PRH1: variants seen among roughly 807,000 people sequenced by gnomAD.
PRH1 encodes salivary acidic proline-rich phosphoprotein 1/2.
PRH1 carries 7 observed loss-of-function variants against 7.9 expected under a neutral mutation model. That is an observed-to-expected ratio of 0.89 (90% CI 0.50 to 1.67). The LOEUF (loss-of-function observed/expected upper bound fraction) is 1.67, where lower values mean the gene tolerates loss of function less well. Ranked by LOEUF, PRH1 falls within the 40% of genes most tolerant of loss-of-function variation. The pLI is 0.00. For synonymous variants in PRH1, 45 were observed against 80.8 expected, an observed-to-expected ratio of 0.56 and a Z score of 2.38; for missense variants, 109 against 223.6, an observed-to-expected ratio of 0.49 and a Z score of 3.27.
intron 2 of PRH1, among the ~76,000 whole-genome samples, chr12:10,972,519 A>G (rs866379710): frequency 1.3e-5 from 2 of 152,194 alleles, no homozygotes; most frequent in Admixed American, 1.3e-4. Flanking sequence ...AATTTGAATA[A>G]AATTTTTCAT....
At chr12:11,000,265 A>G (rs1166772784) in intron 1 of PRH1, among the ~76,000 whole-genome samples, 3 of 152,148 alleles carry the variant, frequency 2.0e-5, no homozygotes, top group African/African-American at 7.2e-5. Flanking sequence ...AATTATGCAC[A>G]TATTTATCAT....
At position 11,142,071 on chromosome 12, in the gene PRH1, C is replaced by T. The variant is rs1311281076; in HGVS notation, n.40-20891G>A. 2.0e-5 allele frequency among the ~76,000 whole-genome samples: 3 copies of T among 152,272 alleles called. No homozygotes were observed. The East Asian group carries it at 5.8e-4, about 29-fold the overall frequency. ...GCCTCCCAAAGTGCTTGGATACAGGCATGAACAACCACACCTGGCTGAGAA... is the reference window on the plus strand; with the variant it reads ...GCCTCCCAAAGTGCTTGGATACAGGTATGAACAACCACACCTGGCTGAGAA... On this transcript the variant is annotated intron_variant and non_coding_transcript_variant, in intron 1 of 1. Coordinates refer to the PRH1 transcript ENST00000541175.
At chr12:10,935,987 C>A (rs928056482) in intron 2 of PRH1, among the ~76,000 whole-genome samples, 1 of 152,028 alleles carries the variant, frequency 6.6e-6, no homozygotes, top group Admixed American at 6.6e-5. Flanking sequence ...GAGGAACACA[C>A]CAATTCCTAC....
intron 1 of PRH1, among the ~76,000 whole-genome samples, chr12:11,011,417 G>A (rs1264880415): frequency 1.3e-5 from 2 of 152,052 alleles, no homozygotes; most frequent in African/African-American, 4.8e-5. Context: ...CAAACACTAT[G>A]TCCTGGCTAT....
chr12:11,099,080 C>T (rs1157800869), intron 1 of PRH1, among the ~76,000 whole-genome samples: 1 of 152,064 alleles, frequency 6.6e-6, no homozygotes, highest in Admixed American at 6.6e-5. Context: ...TATAAGAATT[C>T]CTGAGTACCC....
At chr12:10,905,214 ATTT>A (rs113928687) in intron 2 of PRH1, among the ~76,000 whole-genome samples, 1 of 144,546 alleles carries the variant, frequency 6.9e-6, no homozygotes, top group African/African-American at 2.5e-5. Context: ...GGTCTAATCC[ATTT>A]TTTTTTTTTT....
intron 1 of PRH1, among the ~76,000 whole-genome samples, chr12:11,094,299 C>CAAAAAAAAAAAAAAAAAAAAAAAA (rs34742610): frequency 3.7e-5 from 1 of 27,024 alleles, no homozygotes; most frequent in Non-Finnish European, 7.1e-5. Context: ...AAGACTCTGT[C>CAAAAAAAAAAAAAAAAAAAAAAAA]AAAAAAAAAA....
chr12:11,068,907 C>CT (rs1943940561), intron 1 of PRH1, among the ~76,000 whole-genome samples: 1 of 120,544 alleles, frequency 8.3e-6, no homozygotes, highest in Admixed American at 8.8e-5. Context: ...GGTATTATTA[C>CT]TTCTATTTTT....
At chr12:10,964,395 G>A (rs1014970416) in intron 2 of PRH1, 4 of 228,062 alleles carry the variant, frequency 1.8e-5, no homozygotes, top group African/African-American at 9.2e-5. Flanking sequence ...TTCTCTTGGA[G>A]ACACACGATG....
At chr12:10,919,421 A>G (rs1950016001) in intron 2 of PRH1, among the ~76,000 whole-genome samples, 1 of 152,220 alleles carries the variant, frequency 6.6e-6, no homozygotes, top group South Asian at 2.1e-4. Flanking sequence ...CACCTAACTT[A>G]GGATGGACAG....
intron 2 of PRH1, among the ~76,000 whole-genome samples, chr12:10,928,031 T>C (rs1037792577): frequency 5.3e-5 from 8 of 152,088 alleles, no homozygotes; most frequent in Non-Finnish European, 1.0e-4. Flanking sequence ...AGGAGTACCA[T>C]ACACCATTGC....
intron 1 of PRH1, among the ~76,000 whole-genome samples, chr12:11,040,401 T>G (rs1942658418): frequency 6.6e-6 from 1 of 152,230 alleles, no homozygotes; most frequent in Non-Finnish European, 1.5e-5. Context: ...CATGATGAGT[T>G]CATGTCCTTT....
chr12:11,061,651 C>A lies in PRH1; in HGVS notation n.124-14463G>T, dbSNP rs748540248. On this transcript the variant is annotated intron_variant and non_coding_transcript_variant, in intron 1 of 4. Coordinates refer to the PRH1 transcript ENST00000541977. ...GACCTTCATGCTGGGATCTTGAGATCCTTTGCCATGGAGCTGCATCTTTTT... is the reference window on the plus strand; with the variant it reads ...GACCTTCATGCTGGGATCTTGAGATACTTTGCCATGGAGCTGCATCTTTTT... 2.5e-6 allele frequency: 4 copies of A among 1,613,988 alleles called. No homozygotes were observed. In the East Asian group the frequency reaches 6.7e-5, roughly 27 times the overall value.
At chr12:10,985,712 CATT>C (rs1374555133) in intron 1 of PRH1, among the ~76,000 whole-genome samples, 2 of 152,196 alleles carry the variant, frequency 1.3e-5, no homozygotes, top group African/African-American at 2.4e-5. Flanking sequence ...ATATGATTAA[CATT>C]ATGTTATTGT....
At chr12:11,069,074 C>T (rs1426888069) in intron 1 of PRH1, among the ~76,000 whole-genome samples, 1 of 150,914 alleles carries the variant, frequency 6.6e-6, no homozygotes, top group African/African-American at 2.4e-5. Flanking sequence ...GACACCACCT[C>T]ACCTAGCTAA....
chr12:11,022,669 C>A, intron 1 of PRH1: 1 of 907,654 alleles, frequency 1.1e-6, no homozygotes, highest in South Asian at 1.8e-5. Context: ...ACTAAATGTG[C>A]AATAACATTT....
chr12:11,168,354 GAAAGAAAA>G (rs1371995878), intron 1 of PRH1, among the ~76,000 whole-genome samples: 2 of 32,754 alleles, frequency 6.1e-5, no homozygotes, highest in Non-Finnish European at 1.5e-4. Context: ...GGAAAGAAAG[GAAAGAAAA>G]GAAAGAAAAG....
chr12:10,989,914 T>TA, intron 1 of PRH1, among the ~76,000 whole-genome samples: 1 of 152,218 alleles, frequency 6.6e-6, no homozygotes, highest in East Asian at 1.9e-4. Context: ...AGATTTTCGA[T>TA]TGGTCTTTGA....
intron 1 of PRH1, among the ~76,000 whole-genome samples, chr12:11,086,896 G>A (rs1316070462): frequency 1.8e-5 from 2 of 108,402 alleles, no homozygotes; most frequent in African/African-American, 3.0e-5. Flanking sequence ...TGGGGAGACC[G>A]TGCAAACTCC....
Sources: allele counts gnomAD v4.1 joint callset (sites outside exome capture counted in the v4.1 genomes callset), GRCh38; gene constraint gnomAD v4.1.1; transcripts MANE v1.5; gene names NCBI Gene and HGNC (gene_info 2026-07-23, HGNC 2026-07-21).